COL6A2: variants seen among roughly 807,000 people sequenced by gnomAD.
The protein encoded by COL6A2 is collagen alpha-2(VI) chain.
A neutral mutation model predicts 124.9 loss-of-function variants in COL6A2; 90 were observed. The ratio of observed to expected loss-of-function variants is 0.72; its 90% CI spans 0.61 to 0.86. The LOEUF is 0.86. COL6A2 is among the 40% of genes least tolerant of loss of function. COL6A2 has a pLI of 0.00. For missense variants in COL6A2, 1,607 were observed against 1,502.5 expected (o/e 1.07, Z -1.15); for synonymous variants, 793 against 618.2 (o/e 1.28, Z -4.19).
chr21:46,124,015 GAATGAGTGGATGGACAGACGGAC>G (rs2078616513), intron 21 of COL6A2, among the ~76,000 whole-genome samples: 1 of 149,274 alleles, frequency 6.7e-6, no homozygotes, highest in Admixed American at 6.7e-5. Context: ...ATGGTTAGGT[GAATGAGTGGATGGACAGACGGAC>G]AGTGGGTGGA....
In COL6A2 at chr21:46,117,907, C is replaced by T; in HGVS notation, c.1087C>T (p.Pro363Ser). The change falls in exon 12 of 28, where the codon CCA (proline) becomes TCA (serine). Residue 363 changes from proline (P) to serine (S), a missense_variant. Around this residue, in one of 3 missense-constraint regions of COL6A2, gnomAD observed 1,223 missense variants for 1,052.2 expected, o/e 1.16. Coordinates refer to ENST00000300527, the MANE Select transcript of COL6A2 (RefSeq NM_001849.4). Reference protein sequence around the residue: ...PDGYPGEAGSPGERGDQGGKG... With the variant: ...PDGYPGEAGSSGERGDQGGKG... ...CGGTTACCCGGGGGAAGCAGGGAGTCCAGGGGAGCGAGGAGACCAAGGCGG... is the reference window on the plus strand; with the variant it reads ...CGGTTACCCGGGGGAAGCAGGGAGTTCAGGGGAGCGAGGAGACCAAGGCGG... The T allele has an allele frequency of 1.2e-6, 2 of 1,612,978 alleles. No homozygotes were observed. The highest frequency in any genetic ancestry group is 8.5e-7 in the Non-Finnish European group (1 of 1,179,866).
At position 46,119,112 on chromosome 21, in the gene COL6A2, G is replaced by T; in HGVS notation, c.1262G>T (p.Gly421Val). The change falls in exon 14 of 28, where the codon GGC (glycine) becomes GTC (valine). Residue 421 changes from glycine to valine, a missense_variant. Gly to Val is a moderately radical substitution (Grantham distance 109). Around this residue, in one of 3 missense-constraint regions of COL6A2, gnomAD observed 1,223 missense variants for 1,052.2 expected, o/e 1.16. Transcript: ENST00000300527. ...GGGCCTGGGCCCCGCGGACCCAAAG[G>T]CGAGCCGGTGAGTCCCTCCTGCCCC... ...KGGPGPRGPK[G>V]EPGRRGDPGT... is the part of the protein sequence containing the mutation. 6.2e-7 allele frequency: 1 copy of T among 1,610,650 alleles called. No homozygotes were observed. Among genetic ancestry groups the T allele is most frequent in the Non-Finnish European group, 8.5e-7 (1 of 1,179,168 alleles).
In COL6A2 at chr21:46,119,033, T is replaced by C. The variant is rs781013751; in HGVS notation, c.1183T>C (p.Tyr395His). Residue 395 changes from tyrosine to histidine, a missense_variant, in exon 14 of 28, where the codon TAT becomes CAT. By Grantham distance (83) the Tyr-to-His change is moderately conservative (BLOSUM62 2). Coordinates refer to ENST00000300527, the MANE Select transcript of COL6A2 (RefSeq NM_001849.4). ...GTGCTGTCCTCTCCTTCTTCAGGGG[T>C]ATCAAGGCAACAGTGGAGCCCCAGG... ...GEIGAKGSKG[Y>H]QGNSGAPGSP... The C allele has an allele frequency of 5.0e-6, 8 of 1,610,144 alleles. No homozygotes were observed. Among genetic ancestry groups the C allele is most frequent in the Admixed American group, 3.3e-5 (2 of 59,968 alleles).
At position 46,129,142 on chromosome 21, in the gene COL6A2, C is replaced by G. The variant is rs560770651; in HGVS notation, c.2461+2601C>G. On this transcript the variant is annotated intron_variant, in intron 27 of 27. Transcript: ENST00000300527. ...CTGAGCGGCTGCCCGAGGAGGAGCT[C>G]TAGGCCGACGCCCACCGCAGGCCTT... is the stretch of plus-strand genomic sequence containing the variant. 9.2e-5 allele frequency: 149 copies of G among 1,610,918 alleles called. 2 individuals are homozygous for G. The highest frequency in any genetic ancestry group is 8.8e-4 in the South Asian group (80 of 91,008).
chr21:46,121,145 C>T (rs763764759), intron 17 of COL6A2, 22 bp downstream of exon 17: 32 of 1,611,788 alleles, frequency 2.0e-5, no homozygotes, highest in Middle Eastern at 3.3e-4. Flanking sequence ...TGCAGGAGGC[C>T]GGTGCCCTCT....
At chr21:46,129,405 G>T (rs771115627) in intron 27 of COL6A2, 1 of 1,612,814 alleles carries the variant, frequency 6.2e-7, no homozygotes, top group South Asian at 1.1e-5. Context: ...AGAGCGGCAG[G>T]ACTGGATGGA....
chr21:46,116,928 C>CACAA lies in COL6A2; in HGVS notation c.999+117_999+118insAACA. The CACAA allele has an allele frequency of 2.3e-6, 1 of 440,252 alleles. No individual in the cohort carries two copies. The highest frequency in any genetic ancestry group is 3.7e-6 in the Non-Finnish European group (1 of 273,216). The allele number at this position is 440,252 out of a possible 1,614,324, so 27.3% of individuals were successfully genotyped here. A position where few individuals can be genotyped will look rare whatever the true frequency, so the allele number is the denominator to read the frequency against. Reference sequence around the variant, plus strand: ...GCTTACACATGTGTACACACGCATACACACACACACACACACACACACACA... The same window carrying CACAA: ...GCTTACACATGTGTACACACGCATACACAAACACACACACACACACACACACACA... On this transcript the variant is annotated intron_variant, in intron 10 of 27. Transcript: ENST00000300527. This position sits in a 1 kb window ranked among gnomAD's most constrained non-coding sequence, Gnocchi z 4.6.
chr21:46,122,239 T>G, intron 19 of COL6A2, 81 bp downstream of exon 19: 1 of 1,490,252 alleles, frequency 6.7e-7, no homozygotes, highest in Non-Finnish European at 9.3e-7. Flanking sequence ...AGTAGTTCCC[T>G]CAAGGCCTCC....
intron 1 of COL6A2, among the ~76,000 whole-genome samples, chr21:46,110,165 C>T (rs972630540): frequency 2.0e-5 from 3 of 152,140 alleles, no homozygotes; most frequent in Admixed American, 6.5e-5. Flanking sequence ...CCACCCGGCC[C>T]GGCCCCATGG....
At chr21:46,105,491 C>T (rs1568920989) in intron 1 of COL6A2, among the ~76,000 whole-genome samples, 1 of 152,070 alleles carries the variant, frequency 6.6e-6, no homozygotes, top group African/African-American at 2.4e-5. Flanking sequence ...TTGTTTTCTA[C>T]ATAATTTAAG....
At chr21:46,111,920 C>A in intron 2 of COL6A2, 59 bp from the exon 3 acceptor site, 1 of 1,538,694 alleles carries the variant, frequency 6.5e-7, no homozygotes, top group Non-Finnish European at 8.9e-7. Flanking sequence ...GGCCAGGAAA[C>A]GGGGCTCCAA....
intron 13 of COL6A2, among the ~76,000 whole-genome samples, 170 bp downstream of exon 13, chr21:46,118,846 C>A (rs1406880348): frequency 6.6e-6 from 1 of 152,234 alleles, no homozygotes; most frequent in Non-Finnish European, 1.5e-5. Flanking sequence ...AGCCACCAGC[C>A]CCTCTGACCT....
chr21:46,123,351 C>T (rs2078597730), intron 21 of COL6A2, among the ~76,000 whole-genome samples: 1 of 150,170 alleles, frequency 6.7e-6, no homozygotes, highest in Non-Finnish European at 1.5e-5. Context: ...AGAGTTCCTA[C>T]ACACAGCATT....
At chr21:46,127,172 G>T (rs13050201) in intron 27 of COL6A2, among the ~76,000 whole-genome samples, 66,591 of 151,980 alleles carry the variant, frequency 0.44, 15,798 homozygotes, top group Admixed American at 0.58. Flanking sequence ...GGGGGCGTTA[G>T]GAGCTGAGTC....
Position 46,124,761 on chromosome 21 carries a change from A to C in COL6A2, c.1734+48A>C, listed in dbSNP as rs138710446. The C allele has an allele frequency of 3.8e-4, 605 of 1,605,482 alleles. 2 individuals carry two copies. Among genetic ancestry groups the C allele is most frequent in the Middle Eastern group, 2.3e-3 (14 of 6,038 alleles). On this transcript the variant is annotated intron_variant, in intron 22 of 27. Coordinates refer to ENST00000300527, the MANE Select transcript of COL6A2 (RefSeq NM_001849.4). ...TGCCCTCCCCCCAACCTGCCAGGCC[A>C]ACACACACCCAAGCCTCGTGGTTCT... is the stretch of plus-strand genomic sequence containing the variant.
In COL6A2 at chr21:46,132,542, G is replaced by C; in HGVS notation, c.3050G>C (p.Trp1017Ser). The C allele has an allele frequency of 6.2e-7, 1 of 1,602,504 alleles. No homozygotes were observed. The highest frequency in any genetic ancestry group is 2.2e-5 in the East Asian group (1 of 44,742). Residue 1017 changes from tryptophan to serine, a missense_variant, in exon 28 of 28, where the codon TGG becomes TCG. Physicochemically the swap from Trp to Ser is radical, Grantham distance 177. This residue lies in a region of COL6A2 where 1,223 missense variants were observed against 1,052.2 expected (regional missense o/e 1.16). Coordinates refer to ENST00000300527, the MANE Select transcript of COL6A2 (RefSeq NM_001849.4). Reference sequence around the variant, plus strand: ...GGCTTCTTCGACCGCTTCATCCGCTGGATCTGCTAGCGCCGCCGCCCGGGC... The same window carrying C: ...GGCTTCTTCGACCGCTTCATCCGCTCGATCTGCTAGCGCCGCCGCCCGGGC... The part of the protein sequence containing the change: ...QPGFFDRFIR[W>S]IC
chr21:46,116,668 C>G lies in COL6A2; in HGVS notation c.945C>G (p.Asp315Glu), dbSNP rs549800720. 1 of 1,613,036 alleles carries G rather than the reference C, an allele frequency of 6.2e-7. No individual in the cohort carries two copies. The highest frequency in any genetic ancestry group is 2.2e-5 in the East Asian group (1 of 44,888). The change falls in exon 9 of 28, where the codon GAC becomes GAG. Residue 315 changes from aspartate (D) to glutamate (E), a missense_variant. Around this residue, in one of 3 missense-constraint regions of COL6A2, gnomAD observed 1,223 missense variants for 1,052.2 expected, o/e 1.16. Transcript: ENST00000300527. The surrounding 1 kb of genome is among the most constrained non-coding windows in gnomAD (Gnocchi z 4.6). Reference protein sequence around the residue: ...FKGEKGEFGADGRKGAPGLAG... With the variant: ...FKGEKGEFGAEGRKGAPGLAG... ...CTACACAGGGTGAATTTGGAGCCGA[C>G]GGTCGCAAGGTAGGCTGGCTGGGTA... is the stretch of plus-strand genomic sequence containing the variant.
Position 46,122,147 on chromosome 21 carries a change from C to T in COL6A2, c.1561C>T (p.Arg521Ter), listed in dbSNP as rs773686174. 10 of 1,612,512 alleles carry T rather than the reference C, an allele frequency of 6.2e-6. No individual in the cohort carries two copies. The highest frequency in any genetic ancestry group is 4.0e-5 in the African/African-American group (3 of 74,908). ...GCCTGGATTCAGCTACCCAGGACCC[C>T]GAGGAGCACCCGTGAGTCACAGCCT... ...GRPGFSYPGPRGAPGEKGEPG... is the reference protein window; with the variant it reads ...GRPGFSYPGP Residue 521 changes from arginine to a stop codon, truncating the protein, a stop_gained, in exon 19 of 28, where the codon CGA (arginine) becomes TGA (stop). Coordinates refer to ENST00000300527, the MANE Select transcript of COL6A2 (RefSeq NM_001849.4). LOFTEE classifies it high-confidence loss of function.
At position 46,112,185 on chromosome 21, in the gene COL6A2, T is replaced by C; in HGVS notation, c.322T>C (p.Phe108Leu). 2.5e-6 allele frequency: 4 copies of C among 1,612,910 alleles called. No individual in the cohort carries two copies. The South Asian group carries it at 4.4e-5, about 18-fold the overall frequency. Residue 108 changes from phenylalanine to leucine, a missense_variant, in exon 3 of 28, where the codon TTC (phenylalanine) becomes CTC (leucine). By Grantham distance (22) the Phe-to-Leu change is conservative. Coordinates refer to ENST00000300527, the MANE Select transcript of COL6A2 (RefSeq NM_001849.4). ...GLHFSDQVEV[F>L]SPPGSDRASF... is the part of the protein sequence containing the mutation. ...GCACTTCTCTGACCAGGTGGAGGTG[T>C]TCAGCCCACCGGGCAGCGACCGGGC... is the stretch of plus-strand genomic sequence containing the variant.
Sources: gnomAD v4.1 joint callset for allele counts (sites outside exome capture counted in the v4.1 genomes callset) on GRCh38, gnomAD v4.1.1 for gene constraint, gnomAD v4.1.1 regional missense constraint, Gnocchi (gnomAD v3.1) non-coding constraint, MANE v1.5 for transcripts, NCBI Gene and HGNC (gene_info 2026-07-23, HGNC 2026-07-21) for gene names.